The following CLPB variants were observed in gnomAD, a reference collection of about 807,000 sequenced individuals.
The protein encoded by CLPB is mitochondrial disaggregase.
Under a neutral mutation model 78.4 loss-of-function variants are expected in CLPB, and 40 were observed. The observed-to-expected ratio is 0.51, with a 90% CI of 0.40 to 0.66. The LOEUF (loss-of-function observed/expected upper bound fraction) is 0.66, where lower values mean the gene tolerates loss of function less well. Ranked by LOEUF, CLPB falls within the 30% of genes least tolerant of loss-of-function variation. The probability of loss-of-function intolerance (pLI) is 0.00; values close to 1 mark genes in which losing one functional copy is unlikely to be tolerated. For synonymous variants in CLPB, 333 were observed against 348.0 expected (o/e 0.96, Z 0.48); for missense variants, 780 against 886.9 (o/e 0.88, Z 1.53).
At chr11:72,310,635 C>T (rs1014255978) in intron 7 of CLPB, among the ~76,000 whole-genome samples, 5 of 152,106 alleles carry the variant, frequency 3.3e-5, no homozygotes, top group Non-Finnish European at 5.9e-5. Flanking sequence ...ACAGCAGTGA[C>T]GTGAAAGGAG....
At chr11:72,309,436 T>A (rs1949804202) in intron 7 of CLPB, among the ~76,000 whole-genome samples, 1 of 151,740 alleles carries the variant, frequency 6.6e-6, no homozygotes, top group South Asian at 2.1e-4. Flanking sequence ...GGGGGTGGAG[T>A]GAGGCAGAAC....
chr11:72,326,802 C>T (rs1019777763), intron 6 of CLPB, among the ~76,000 whole-genome samples: 2 of 152,086 alleles, frequency 1.3e-5, no homozygotes, highest in Non-Finnish European at 2.9e-5. Context: ...TGGTGTTCTT[C>T]CCACAAAAGC....
chr11:72,313,599 G>A (rs1182117163), intron 7 of CLPB, among the ~76,000 whole-genome samples: 1 of 152,068 alleles, frequency 6.6e-6, no homozygotes, highest in East Asian at 1.9e-4. Context: ...TGTGATAAAG[G>A]TATTCCTAGG....
At chr11:72,408,776 A>G (rs1451527375) in intron 2 of CLPB, among the ~76,000 whole-genome samples, 1 of 152,100 alleles carries the variant, frequency 6.6e-6, no homozygotes, top group East Asian at 1.9e-4. Context: ...AGTGCAGAGC[A>G]GCCCAGAAAG....
intron 2 of CLPB, among the ~76,000 whole-genome samples, chr11:72,419,688 G>C (rs1412294191): frequency 3.3e-5 from 5 of 152,176 alleles, no homozygotes; most frequent in Non-Finnish European, 7.3e-5. Flanking sequence ...GTGCTAGAGA[G>C]CTCTTCCCAA....
chr11:72,299,160 A>G (rs971566679), intron 11 of CLPB, among the ~76,000 whole-genome samples: 10 of 152,144 alleles, frequency 6.6e-5, no homozygotes, highest in African/African-American at 2.2e-4. Flanking sequence ...GCAGCAGCCA[A>G]CTGGCCACCC....
intron 8 of CLPB, 86 bp downstream of exon 8, chr11:72,308,441 C>A: frequency 8.3e-7 from 1 of 1,209,106 alleles, no homozygotes; most frequent in Non-Finnish European, 1.2e-6. Context: ...CCTGCTGACC[C>A]TGGCCCGCAG....
chr11:72,360,885 T>C (rs1419366895), intron 4 of CLPB, among the ~76,000 whole-genome samples: 1 of 152,218 alleles, frequency 6.6e-6, no homozygotes, highest in Non-Finnish European at 1.5e-5. Context: ...AGAGGTCACA[T>C]AGCTAATAAG....
intron 13 of CLPB, 44 bp downstream of exon 13, chr11:72,294,576 C>T: frequency 1.2e-6 from 2 of 1,608,532 alleles, no homozygotes; most frequent in Non-Finnish European, 1.7e-6. Context: ...TCACCCTCCC[C>T]CAACCTTAGG....
In CLPB at chr11:72,401,521, C is replaced by G. The variant is rs920821916; in HGVS notation, c.542+1445G>C. 2.6e-5 allele frequency among the ~76,000 whole-genome samples: 4 copies of G among 152,116 alleles called. No homozygotes were observed. The East Asian group carries it at 7.7e-4, about 29-fold the overall frequency. ...AGCTAAAGAGAGCAAATCAGGAAACCGAGTGACTAAGAACAAGTCCACAAC... is the reference window on the plus strand; with the variant it reads ...AGCTAAAGAGAGCAAATCAGGAAACGGAGTGACTAAGAACAAGTCCACAAC... On this transcript the variant is annotated intron_variant, in intron 3 of 15. Coordinates refer to ENST00000538039, the MANE Select transcript of CLPB (RefSeq NM_001258392.3).
chr11:72,392,245 T>C (rs1303573590), intron 3 of CLPB, among the ~76,000 whole-genome samples: 1 of 151,604 alleles, frequency 6.6e-6, no homozygotes, highest in East Asian at 1.9e-4. Flanking sequence ...GTGTCACGGG[T>C]CCCAAGGAGA....
intron 3 of CLPB, among the ~76,000 whole-genome samples, chr11:72,392,023 G>A (rs1855267841): frequency 6.6e-6 from 1 of 152,046 alleles, no homozygotes; most frequent in Non-Finnish European, 1.5e-5. Flanking sequence ...ATTGTTTAGG[G>A]AAGAGCGAGA....
intron 2 of CLPB, among the ~76,000 whole-genome samples, chr11:72,409,708 T>C (rs986884033): frequency 2.0e-5 from 3 of 152,168 alleles, no homozygotes; most frequent in East Asian, 1.9e-4. Flanking sequence ...CCAGGTGCAG[T>C]GGCTCACACC....
chr11:72,339,845 A>G (rs1487057463), intron 5 of CLPB, among the ~76,000 whole-genome samples: 2 of 152,230 alleles, frequency 1.3e-5, no homozygotes, highest in Non-Finnish European at 2.9e-5. Context: ...GAAATTCAAA[A>G]ATGCGTTTGG....
At chr11:72,357,269 G>A (rs954892263) in intron 5 of CLPB, among the ~76,000 whole-genome samples, 1 of 152,204 alleles carries the variant, frequency 6.6e-6, no homozygotes, top group Non-Finnish European at 1.5e-5. Context: ...AGAGGCCAAT[G>A]AGAAGATGAT....
chr11:72,312,697 A>G lies in CLPB; in HGVS notation c.989-4093T>C, dbSNP rs1347328334. Among the ~76,000 whole-genome samples, 2 of 152,220 alleles carry G rather than the reference A, an allele frequency of 1.3e-5. No homozygotes were observed. Among genetic ancestry groups the G allele is most frequent in the Non-Finnish European group, 2.9e-5 (2 of 68,038 alleles). On this transcript the variant is annotated intron_variant, in intron 7 of 15. Coordinates refer to ENST00000538039, the MANE Select transcript of CLPB (RefSeq NM_001258392.3). This position sits in a 1 kb window ranked among gnomAD's most constrained non-coding sequence, Gnocchi z 4.2. The stretch of plus-strand genomic sequence containing the variant: ...AGGTAGTTACTACCACTCTTGCATG[A>G]AGAAGGCTTCCACTTTCTTCTAAAT...
chr11:72,334,233 G>C (rs1442662353), intron 5 of CLPB, among the ~76,000 whole-genome samples: 1 of 152,196 alleles, frequency 6.6e-6, no homozygotes, highest in Non-Finnish European at 1.5e-5. Context: ...TTCTCATAAA[G>C]GATGGGATGG....
chr11:72,402,773 T>A (rs1855598937), intron 3 of CLPB, among the ~76,000 whole-genome samples, 193 bp downstream of exon 3: 1 of 152,234 alleles, frequency 6.6e-6, no homozygotes, highest in African/African-American at 2.4e-5. Flanking sequence ...GAGCTGGGAT[T>A]CAAGGCTACA....
At chr11:72,384,352 G>T (rs143032328) in intron 3 of CLPB, among the ~76,000 whole-genome samples, 5 of 152,258 alleles carry the variant, frequency 3.3e-5, no homozygotes, top group Non-Finnish European at 5.9e-5. Context: ...TATGTAAATT[G>T]TGACACTAAA....
Sources: gnomAD v4.1 joint callset for allele counts (sites outside exome capture counted in the v4.1 genomes callset) on GRCh38, gnomAD v4.1.1 for gene constraint, Gnocchi (gnomAD v3.1) non-coding constraint, MANE v1.5 for transcripts, NCBI Gene and HGNC (gene_info 2026-07-23, HGNC 2026-07-21) for gene names.